The following TCIRG1 variants were observed in gnomAD, a reference collection of about 807,000 sequenced individuals.
TCIRG1 encodes the protein V-type proton ATPase 116 kDa subunit a 3.
In TCIRG1, 86 loss-of-function variants were observed where a neutral mutation model predicts 95.5. That is an observed-to-expected ratio of 0.90 (90% CI 0.76 to 1.08). The LOEUF is 1.08. TCIRG1 is among the 50% of genes least tolerant of loss of function. The pLI is 0.00. For synonymous variants in TCIRG1, 499 were observed against 501.3 expected, an observed-to-expected ratio of 1.00 and a Z score of 0.06; for missense variants, 1,069 against 1,140.2, an observed-to-expected ratio of 0.94 and a Z score of 0.90.
In TCIRG1 at chr11:68,045,107, G is replaced by C; in HGVS notation, c.1165+5G>C. 6.2e-7 allele frequency: 1 copy of C among 1,600,210 alleles called. No individual in the cohort carries two copies. Among genetic ancestry groups the C allele is most frequent in the East Asian group, 2.2e-5 (1 of 44,878 alleles). On this transcript the variant is annotated splice_donor_5th_base_variant and intron_variant, in intron 10 of 19. Coordinates refer to ENST00000265686, the MANE Select transcript of TCIRG1 (RefSeq NM_006019.4). ...GCTACCAGGAGGTCAACCCCGGTGAGAGCCACGGCATCCTTACCCGTGTCC... is the reference window on the plus strand; with the variant it reads ...GCTACCAGGAGGTCAACCCCGGTGACAGCCACGGCATCCTTACCCGTGTCC...
In TCIRG1 at chr11:68,043,447, C is replaced by T; in HGVS notation, c.580C>T (p.Leu194Phe). The T allele has an allele frequency of 2.6e-6, 4 of 1,551,622 alleles. No individual in the cohort carries two copies. Among genetic ancestry groups the T allele is most frequent in the Non-Finnish European group, 3.5e-6 (4 of 1,148,324 alleles). The change falls in exon 6 of 20, where the codon CTC becomes TTC. Residue 194 changes from leucine to phenylalanine, a missense_variant. Physicochemically the swap from Leu to Phe is conservative, Grantham distance 22 (BLOSUM62 0). Coordinates refer to ENST00000265686, the MANE Select transcript of TCIRG1 (RefSeq NM_006019.4). ...GCTCTGGAGGGCCTGCCGCGGCTTC[C>T]TCATTGCCAGCTTCAGGGAGCTGGA... Reference protein sequence around the residue: ...RLLWRACRGFLIASFRELEQP... With the variant: ...RLLWRACRGFFIASFRELEQP...
At chr11:68,042,601 GA>G in intron 3 of TCIRG1, 41 bp from the exon 4 acceptor site, 3 of 1,500,984 alleles carry the variant, frequency 2.0e-6, no homozygotes, top group Non-Finnish European at 1.8e-6. Context: ...CAACTGTTGA[GA>G]CAACCTCAAC....
intron 13 of TCIRG1, 154 bp from the exon 14 acceptor site, chr11:68,048,725 T>G: frequency 1.4e-6 from 1 of 738,634 alleles, no homozygotes; most frequent in Non-Finnish European, 2.4e-6. Flanking sequence ...CTGGCCCATC[T>G]GCGCTCTGTT....
chr11:68,044,105 C>G (rs937977213), intron 8 of TCIRG1, 27 bp from the exon 9 acceptor site: 1 of 1,540,862 alleles, frequency 6.5e-7, no homozygotes, highest in Admixed American at 2.0e-5. Flanking sequence ...CCTGCCCAGC[C>G]CCCGCTGACT....
chr11:68,040,576 G>A (rs540138043), intron 1 of TCIRG1, among the ~76,000 whole-genome samples: 233 of 152,274 alleles, frequency 1.5e-3, no homozygotes, highest in Non-Finnish European at 2.6e-3. Context: ...GAGAGCAGTG[G>A]CTTTGGAGCT....
downstream of TCIRG1, among the ~76,000 whole-genome samples, chr11:68,051,859 G>A (rs931853849): frequency 1.1e-4 from 17 of 152,322 alleles, no homozygotes; most frequent in Admixed American, 1.1e-3. Flanking sequence ...GGGGCGGGCA[G>A]TGAGGTGGGG....
chr11:68,044,301 T>TGCGA lies in TCIRG1; in HGVS notation c.979_982dup (p.Asp328AlafsTer163). On this transcript the variant is annotated frameshift_variant, in exon 9 of 20. Transcript: ENST00000265686. LOFTEE classifies it high-confidence loss of function. The stretch of plus-strand genomic sequence containing the variant: ...CTCATTGCCGAGGCCTGGTGCTCTG[T>TGCGA]GCGAGACCTGCCCGCCCTGCAGGAG... 1.9e-6 allele frequency: 3 copies of TGCGA among 1,603,234 alleles called. No homozygotes were observed. The highest frequency in any genetic ancestry group is 2.5e-6 in the Non-Finnish European group (3 of 1,177,174).
At chr11:68,046,523 A>G (rs1855496469) in intron 10 of TCIRG1, among the ~76,000 whole-genome samples, 1 of 151,870 alleles carries the variant, frequency 6.6e-6, no homozygotes, top group Non-Finnish European at 1.5e-5. Context: ...GGCACACTGG[A>G]TTGGGGCCCA....
intron 10 of TCIRG1, among the ~76,000 whole-genome samples, chr11:68,045,556 CTTT>C (rs111244178): frequency 1.4e-5 from 2 of 141,992 alleles, no homozygotes; most frequent in Non-Finnish European, 1.5e-5. Flanking sequence ...GGTTGCACAG[CTTT>C]TTTTTTTTTT....
chr11:68,047,851 G>T, intron 12 of TCIRG1, 31 bp from the exon 13 acceptor site: 2 of 1,613,050 alleles, frequency 1.2e-6, no homozygotes, highest in Non-Finnish European at 1.7e-6. Flanking sequence ...AGCACCCGCA[G>T]CCCTGACCGC....
At chr11:68,048,138 C>T (rs982066699) in intron 13 of TCIRG1, 166 bp downstream of exon 13, 1 of 712,012 alleles carries the variant, frequency 1.4e-6, no homozygotes, top group Non-Finnish European at 2.5e-6. Context: ...GCGGAGCCTG[C>T]ATCACAGTCC....
Position 68,045,033 on chromosome 11 carries a change from C to A in TCIRG1, c.1096C>A (p.Arg366Ser). 1 of 1,607,472 alleles carries A rather than the reference C, an allele frequency of 6.2e-7. No individual in the cohort carries two copies. The highest frequency in any genetic ancestry group is 8.5e-7 in the Non-Finnish European group (1 of 1,180,006). The change falls in exon 10 of 20, where the codon CGC (arginine) becomes AGC (serine). Residue 366 changes from arginine to serine, a missense_variant. Arg to Ser is a moderately radical substitution (Grantham distance 110, BLOSUM62 -1). Transcript: ENST00000265686. Reference sequence around the variant, plus strand: ...GCCCCCCACACTCATCCGCACCAACCGCTTCACGGCCAGCTTCCAGGGCAT... The same window carrying A: ...GCCCCCCACACTCATCCGCACCAACAGCTTCACGGCCAGCTTCCAGGGCAT... ...DMPPTLIRTNRFTASFQGIVD... is the reference protein window; with the variant it reads ...DMPPTLIRTNSFTASFQGIVD...
At chr11:68,049,544 C>CG in intron 15 of TCIRG1, 119 bp from the exon 16 acceptor site, 1 of 1,403,752 alleles carries the variant, frequency 7.1e-7, no homozygotes, top group Non-Finnish European at 9.7e-7. Context: ...ACGGAGCCCC[C>CG]GGGGGCCCTG....
rs1269457075 is a variant in TCIRG1, at chr11:68,049,978, G to A, written c.2030G>A (p.Gly677Glu). Residue 677 changes from glycine to glutamate, a missense_variant, in exon 17 of 20, where the codon GGG becomes GAG. Gly to Glu is a moderately conservative substitution (Grantham distance 98). Coordinates refer to ENST00000265686, the MANE Select transcript of TCIRG1 (RefSeq NM_006019.4). Reference protein sequence around the residue: ...PADRQEENKAGLLDLPDASVN... With the variant: ...PADRQEENKAELLDLPDASVN... ...ATGCCCCAGGAGGAAAACAAGGCCG[G>A]GTTGCTGGACCTGCCTGACGCATCT... The A allele has an allele frequency of 1.2e-6, 2 of 1,611,862 alleles. No individual in the cohort carries two copies. The highest frequency in any genetic ancestry group is 1.3e-5 in the African/African-American group (1 of 74,876).
rs766933285 is a variant in TCIRG1, at chr11:68,044,254, C to T, written c.930C>T (p.Ser310=). ...KAVYLALNQC[S]VSTTHKCLIA... ...TGTACCTGGCCCTGAACCAGTGCAG[C>T]GTGAGCACCACGCACAAGTGCCTCA... The change falls in exon 9 of 20, where the codon AGC becomes AGT. Residue 310 remains serine (S), a synonymous_variant. Transcript: ENST00000265686. The T allele has an allele frequency of 9.4e-6, 15 of 1,602,362 alleles. No homozygotes were observed. The highest frequency in any genetic ancestry group is 1.7e-4 in the Middle Eastern group (1 of 5,876).
chr11:68,049,334 A>T, intron 15 of TCIRG1, 40 bp downstream of exon 15: 4 of 1,570,344 alleles, frequency 2.5e-6, no homozygotes, highest in African/African-American at 1.4e-5. Context: ...ACACGGCCTC[A>T]TGGGGACCCC....
At chr11:68,053,538 C>G (rs181768192), downstream of TCIRG1, 1 of 156,494 alleles carries the variant, frequency 6.4e-6, no homozygotes, top group South Asian at 1.9e-4. Flanking sequence ...ACTTGCTGTC[C>G]CTTGGGAGTG....
chr11:68,050,339 G>A, intron 18 of TCIRG1, 85 bp downstream of exon 18: 1 of 1,598,218 alleles, frequency 6.3e-7, no homozygotes, highest in Non-Finnish European at 8.5e-7. Context: ...TTCTCTCTGG[G>A]CCTCAGTTTC....
At chr11:68,041,449 C>A (rs539777397) in intron 2 of TCIRG1, 61 bp downstream of exon 2, 5 of 1,265,666 alleles carry the variant, frequency 4.0e-6, no homozygotes, top group South Asian at 2.5e-5. Flanking sequence ...GGAGGCCGGT[C>A]CAGGATGGGG....
Sources: allele counts gnomAD v4.1 joint callset (sites outside exome capture counted in the v4.1 genomes callset), GRCh38; gene constraint gnomAD v4.1.1; transcripts MANE v1.5; gene names NCBI Gene and HGNC (gene_info 2026-07-23, HGNC 2026-07-21).